Variants in MYO16 observed in about 807,000 individuals in gnomAD.
MYO16 encodes the protein unconventional myosin-XVI.
MYO16 carries 94 observed loss-of-function variants against 205.3 expected under a neutral mutation model. The ratio of observed to expected loss-of-function variants is 0.46; its 90% CI spans 0.39 to 0.54. The LOEUF is 0.54. Among genes scored for constraint, MYO16 ranks in the 20% least tolerant of loss-of-function variants. The pLI, the probability that MYO16 is intolerant of heterozygous loss-of-function variation, is 0.00. For synonymous variants in MYO16, 988 were observed against 954.0 expected (o/e 1.04, Z -0.66); for missense variants, 2,315 against 2,387.5 (o/e 0.97, Z 0.63).
the MYO16 span, among the ~76,000 whole-genome samples, chr13:108,554,842 TCTGA>T: frequency 3.0e-5 from 3 of 98,942 alleles, no homozygotes; most frequent in Non-Finnish European, 5.4e-5. Context: ...AGAGAGAGAC[TCTGA>T]CTAAAAAAAA....
At chr13:108,826,179 T>C (rs1272929304) in intron 9 of MYO16, among the ~76,000 whole-genome samples, 1 of 152,090 alleles carries the variant, frequency 6.6e-6, no homozygotes, top group African/African-American at 2.4e-5. Context: ...AAAACTTACT[T>C]AAAATCTATA....
rs184257468 is a variant in MYO16 at position 108,653,802 on chromosome 13, T to C, written c.29-12084T>C. 3.1e-3 allele frequency among the ~76,000 whole-genome samples: 457 copies of C among 148,482 alleles called. 3 individuals are homozygous for C. The Middle Eastern group carries it at 0.032, about 10-fold the overall frequency. On this transcript the variant is annotated intron_variant, in intron 1 of 34. Transcript: ENST00000457511. ...ATATATACATATATATATATGTGTG[T>C]ATATATATATATATTCTTATATAGA...
chr13:108,500,770 AT>A, the MYO16 span, among the ~76,000 whole-genome samples: 85 of 152,194 alleles, frequency 5.6e-4, no homozygotes, highest in Admixed American at 1.6e-3. Flanking sequence ...TGCCAGAGTG[AT>A]TTATCTTAAA....
the MYO16 span, among the ~76,000 whole-genome samples, chr13:108,544,623 G>T: frequency 2.0e-5 from 3 of 152,004 alleles, no homozygotes; most frequent in African/African-American, 7.3e-5. Flanking sequence ...TATATAAAGA[G>T]CTTAAATATA....
the MYO16 span, among the ~76,000 whole-genome samples, chr13:108,567,915 T>C: frequency 6.6e-6 from 1 of 152,274 alleles, no homozygotes; most frequent in East Asian, 1.9e-4. Context: ...TCTCTTTAGA[T>C]TTCCTCACCT....
chr13:108,964,743 T>C lies in MYO16; in HGVS notation c.2228-18T>C, dbSNP rs754984043. 1.9e-6 allele frequency: 3 copies of C among 1,612,982 alleles called. No individual in the cohort carries two copies. Among genetic ancestry groups the C allele is most frequent in the African/African-American group, 1.3e-5 (1 of 74,894 alleles). On this transcript the variant is annotated intron_variant, in intron 19 of 34. Coordinates refer to ENST00000457511, the MANE Select transcript of MYO16 (RefSeq NM_001198950.3). ...GGAACCCTTGTGCTCACTCCTCCTT[T>C]TCTTTCTACCATTTTAGGGGATATG...
At chr13:108,551,689 C>T in the MYO16 span, among the ~76,000 whole-genome samples, 1 of 152,106 alleles carries the variant, frequency 6.6e-6, no homozygotes, top group African/African-American at 2.4e-5. Context: ...TAAATTTTCA[C>T]CCCCAAGATT....
intron 4 of MYO16, among the ~76,000 whole-genome samples, chr13:108,731,858 G>A (rs985691031): frequency 6.6e-6 from 1 of 152,122 alleles, no homozygotes. Context: ...TTGAGATGCT[G>A]CACAGTGAAT....
At chr13:108,777,283 A>G (rs903984386) in intron 4 of MYO16, among the ~76,000 whole-genome samples, 30 of 152,198 alleles carry the variant, frequency 2.0e-4, no homozygotes, top group African/African-American at 7.0e-4. Flanking sequence ...TAGAAGACAA[A>G]AAGTCCACCA....
chr13:108,837,208 C>G (rs947537140), intron 9 of MYO16, among the ~76,000 whole-genome samples: 3 of 152,172 alleles, frequency 2.0e-5, no homozygotes, highest in Non-Finnish European at 2.9e-5. Context: ...TTATAAGCAT[C>G]TGGCTTTTCC....
intron 4 of MYO16, 123 bp from the exon 5 acceptor site, chr13:108,785,512 C>A (rs1486868755): frequency 1.0e-5 from 5 of 494,908 alleles, no homozygotes; most frequent in African/African-American, 2.0e-5. Context: ...CCCGATTCTT[C>A]AGGGTGATAT....
intron 4 of MYO16, among the ~76,000 whole-genome samples, chr13:108,782,238 A>G (rs989225481): frequency 2.0e-5 from 3 of 152,240 alleles, no homozygotes; most frequent in Non-Finnish European, 4.4e-5. Flanking sequence ...AGGTGGCCTC[A>G]GATGGAGTTG....
intron 12 of MYO16, among the ~76,000 whole-genome samples, chr13:108,879,810 C>A (rs184234076): frequency 6.6e-6 from 1 of 152,064 alleles, no homozygotes; most frequent in Non-Finnish European, 1.5e-5. Context: ...TGAGTAGTGC[C>A]GCAATAAACA....
chr13:109,079,642 A>G (rs1338963205), intron 27 of MYO16, among the ~76,000 whole-genome samples: 1 of 152,060 alleles, frequency 6.6e-6, no homozygotes, highest in East Asian at 1.9e-4. Flanking sequence ...AAAACTACCT[A>G]TCATGTAGTA....
intron 10 of MYO16, among the ~76,000 whole-genome samples, chr13:108,852,746 T>A (rs1360817247): frequency 6.6e-6 from 1 of 152,160 alleles, no homozygotes; most frequent in Non-Finnish European, 1.5e-5. Flanking sequence ...AGGGCACTAA[T>A]GAGGCACACT....
intron 27 of MYO16, among the ~76,000 whole-genome samples, chr13:109,069,658 A>C (rs2139646382): frequency 6.6e-6 from 1 of 152,176 alleles, no homozygotes; most frequent in South Asian, 2.1e-4. Context: ...TGGGAAGTCA[A>C]GAAGGAGGTC....
At chr13:108,836,214 A>C (rs1876909668) in intron 9 of MYO16, among the ~76,000 whole-genome samples, 2 of 152,208 alleles carry the variant, frequency 1.3e-5, no homozygotes, top group African/African-American at 4.8e-5. Context: ...GCCAAAGTAT[A>C]GCTTGGGCCT....
At chr13:109,090,514 A>G (rs1382402796) in intron 27 of MYO16, among the ~76,000 whole-genome samples, 4 of 152,146 alleles carry the variant, frequency 2.6e-5, no homozygotes, top group Admixed American at 6.5e-5. Flanking sequence ...CCTGATGCAG[A>G]GGACCCTCAG....
the MYO16 span, among the ~76,000 whole-genome samples, chr13:108,501,984 C>T: frequency 1.3e-5 from 2 of 152,092 alleles, no homozygotes; most frequent in Admixed American, 6.5e-5. Flanking sequence ...GAGGCCGAGG[C>T]GGGCGGATCA....
Sources: gnomAD v4.1 joint callset for allele counts (sites outside exome capture counted in the v4.1 genomes callset) on GRCh38, gnomAD v4.1.1 for gene constraint, MANE v1.5 for transcripts, NCBI Gene and HGNC (gene_info 2026-07-23, HGNC 2026-07-21) for gene names.